The following MDGA2 variants were observed in gnomAD, a reference collection of about 807,000 sequenced individuals.
The protein encoded by MDGA2 is MAM domain containing glycosylphosphatidylinositol anchor 2.
A neutral mutation model predicts 117.8 loss-of-function variants in MDGA2; 40 were observed. The ratio of observed to expected loss-of-function variants is 0.34; its 90% CI spans 0.26 to 0.44. The LOEUF is 0.44. Ranked by LOEUF, MDGA2 falls within the 20% of genes least tolerant of loss-of-function variation. The pLI, the probability that MDGA2 is intolerant of heterozygous loss-of-function variation, is 1.00. For missense variants in MDGA2, 1,123 were observed against 1,250.6 expected (o/e 0.90, Z 1.54); for synonymous variants, 452 against 439.0 (o/e 1.03, Z -0.37).
chr14:47,298,604 G>A (rs1038427938), intron 2 of MDGA2, among the ~76,000 whole-genome samples: 2 of 151,836 alleles, frequency 1.3e-5, no homozygotes, highest in African/African-American at 4.8e-5. Flanking sequence ...TTAGACTTTG[G>A]CCGGGATGCC....
chr14:47,480,156 G>A lies in MDGA2; in HGVS notation c.281-178606C>T, dbSNP rs144969409. Among the ~76,000 whole-genome samples, 691 of 152,066 alleles carry A rather than the reference G, an allele frequency of 4.5e-3. 5 individuals carry two copies. The highest frequency in any genetic ancestry group is 0.015 in the African/African-American group (642 of 41,506). On this transcript the variant is annotated intron_variant, in intron 1 of 16. Coordinates refer to ENST00000399232, the MANE Select transcript of MDGA2 (RefSeq NM_001113498.3). The stretch of plus-strand genomic sequence containing the variant: ...TAATATTTATTTAAAAACTTCTAAT[G>A]TATAGCTCAAACTTTGGCATGTGTA...
At chr14:47,445,792 C>G (rs2416080) in intron 1 of MDGA2, among the ~76,000 whole-genome samples, 1 of 152,152 alleles carries the variant, frequency 6.6e-6, no homozygotes, top group Non-Finnish European at 1.5e-5. Context: ...CACCAACTTC[C>G]TTGGATGTCA....
chr14:46,863,413 T>C (rs1328931260), intron 14 of MDGA2, among the ~76,000 whole-genome samples: 1 of 152,162 alleles, frequency 6.6e-6, no homozygotes, highest in African/African-American at 2.4e-5. Context: ...TATAGAATTC[T>C]AAACACTAGG....
At chr14:47,550,657 T>C (rs1373999027) in intron 1 of MDGA2, among the ~76,000 whole-genome samples, 1 of 151,608 alleles carries the variant, frequency 6.6e-6, no homozygotes, top group East Asian at 1.9e-4. Context: ...AAATTCACTA[T>C]CCTGAAAAAA....
At chr14:46,902,361 A>G (rs1449842067) in intron 10 of MDGA2, among the ~76,000 whole-genome samples, 3 of 152,108 alleles carry the variant, frequency 2.0e-5, no homozygotes, top group Admixed American at 6.6e-5. Context: ...CCCACATTCT[A>G]TCTTTTCTCA....
At chr14:47,409,441 A>G (rs907166961) in intron 1 of MDGA2, among the ~76,000 whole-genome samples, 4 of 152,186 alleles carry the variant, frequency 2.6e-5, no homozygotes, top group East Asian at 1.9e-4. Context: ...ATATCACACT[A>G]TTATCAAACA....
chr14:47,604,683 C>A lies in MDGA2; in HGVS notation c.280+69834G>T, dbSNP rs1896710694. On this transcript the variant is annotated intron_variant, in intron 1 of 16. Transcript: ENST00000399232. ...CTCAAATTTTAAAGGACCACATATT[C>A]TTTGCAGCCCCTTTTGTCAAGAACG... 2.6e-5 allele frequency among the ~76,000 whole-genome samples: 4 copies of A among 152,118 alleles called. No individual in the cohort carries two copies. The South Asian group carries it at 8.3e-4, about 32-fold the overall frequency.
chr14:47,259,691 G>C (rs1887731940), intron 2 of MDGA2, among the ~76,000 whole-genome samples: 1 of 152,042 alleles, frequency 6.6e-6, no homozygotes, highest in South Asian at 2.1e-4. Flanking sequence ...ATATAAAATA[G>C]GAACTCCGAA....
At chr14:47,175,837 T>C (rs1414341423) in intron 3 of MDGA2, among the ~76,000 whole-genome samples, 1 of 150,970 alleles carries the variant, frequency 6.6e-6, no homozygotes, top group African/African-American at 2.5e-5. Context: ...GGGTATTCAA[T>C]TAGGAAAAGA....
chr14:47,153,475 A>G (rs1371326279), intron 3 of MDGA2, among the ~76,000 whole-genome samples: 1 of 152,062 alleles, frequency 6.6e-6, no homozygotes, highest in African/African-American at 2.4e-5. Flanking sequence ...GTGGGATGGG[A>G]GTTGTAAAAG....
chr14:47,538,228 T>G (rs1044958269), intron 1 of MDGA2, among the ~76,000 whole-genome samples: 1 of 152,184 alleles, frequency 6.6e-6, no homozygotes, highest in African/African-American at 2.4e-5. Context: ...AGTGATAAAA[T>G]AAAATTGAGA....
chr14:47,634,453 T>C (rs1292351797), intron 1 of MDGA2, among the ~76,000 whole-genome samples: 1 of 152,096 alleles, frequency 6.6e-6, no homozygotes, highest in Non-Finnish European at 1.5e-5. Context: ...GTAATATGCA[T>C]ATTTTTATAT....
intron 3 of MDGA2, among the ~76,000 whole-genome samples, chr14:47,213,831 G>T (rs531888522): frequency 6.6e-6 from 1 of 152,076 alleles, no homozygotes; most frequent in African/African-American, 2.4e-5. Context: ...GAAAGAAAGA[G>T]GTTTAATTGA....
At chr14:47,137,793 C>T (rs973882140) in intron 4 of MDGA2, among the ~76,000 whole-genome samples, 13 of 152,152 alleles carry the variant, frequency 8.5e-5, no homozygotes, top group African/African-American at 3.1e-4. Flanking sequence ...GCCATGATTT[C>T]CCAATGGTTC....
At chr14:46,907,379 C>T (rs1336312098) in intron 10 of MDGA2, among the ~76,000 whole-genome samples, 1 of 152,094 alleles carries the variant, frequency 6.6e-6, no homozygotes, top group Non-Finnish European at 1.5e-5. Context: ...TTGAGAATAC[C>T]TGCTGATCTA....
chr14:47,201,229 T>G, intron 3 of MDGA2: 1 of 504,902 alleles, frequency 2.0e-6, no homozygotes, highest in Non-Finnish European at 3.7e-6. Flanking sequence ...CTTACATGAT[T>G]CCTGCTACCA....
At chr14:47,282,427 C>T (rs890082560) in intron 2 of MDGA2, among the ~76,000 whole-genome samples, 16 of 152,118 alleles carry the variant, frequency 1.1e-4, no homozygotes, top group African/African-American at 3.6e-4. Flanking sequence ...CGCCTGTAAT[C>T]CCAGCACTTT....
intron 1 of MDGA2, among the ~76,000 whole-genome samples, chr14:47,593,246 G>T (rs1896474898): frequency 6.6e-6 from 1 of 152,160 alleles, no homozygotes; most frequent in South Asian, 2.1e-4. Flanking sequence ...TGCTGGCAAG[G>T]CTGTGGAGAA....
rs1159085963 is a variant in MDGA2, at chr14:46,967,417, T to A, written c.1820-9774A>T. 3.3e-5 allele frequency among the ~76,000 whole-genome samples: 5 copies of A among 152,342 alleles called. No homozygotes were observed. The South Asian group carries it at 1.0e-3, about 32-fold the overall frequency. ...GGAAAATTGTGCTCATAATTATTTA[T>A]AAATGCAATATTTATAAAAGAAAAT... On this transcript the variant is annotated intron_variant, in intron 8 of 16. Transcript: ENST00000399232.
Sources: gnomAD v4.1 joint callset for allele counts (sites outside exome capture counted in the v4.1 genomes callset) on GRCh38, gnomAD v4.1.1 for gene constraint, MANE v1.5 for transcripts, NCBI Gene and HGNC (gene_info 2026-07-23, HGNC 2026-07-21) for gene names.